SMARCC1: variants seen among roughly 807,000 people sequenced by gnomAD.
SMARCC1 encodes SWI/SNF related BAF chromatin remodeling complex subunit C1.
Under a neutral mutation model 147.4 loss-of-function variants are expected in SMARCC1, and 43 were observed. That is an observed-to-expected ratio of 0.29 (90% CI 0.23 to 0.38). SMARCC1 has a LOEUF of 0.38. Ranked by LOEUF, SMARCC1 falls within the 10% of genes least tolerant of loss-of-function variation. SMARCC1 has a pLI of 1.00. For missense variants in SMARCC1, 1,119 were observed against 1,381.1 expected, an observed-to-expected ratio of 0.81 and a Z score of 3.01; for synonymous variants, 495 against 484.4, an observed-to-expected ratio of 1.02 and a Z score of -0.29.
intron 19 of SMARCC1, chr3:47,670,360 G>T (rs2033479052): frequency 2.9e-6 from 1 of 348,356 alleles, no homozygotes; most frequent in Admixed American, 4.6e-5. Context: ...CAAGGTGGGA[G>T]GATTGCTTGA....
chr3:47,640,311 CGTTG>C (rs2033031798), intron 21 of SMARCC1, among the ~76,000 whole-genome samples: 1 of 151,622 alleles, frequency 6.6e-6, no homozygotes, highest in Non-Finnish European at 1.5e-5. Context: ...TATTCCCAAA[CGTTG>C]GTTCTTTCAA....
chr3:47,628,512 A>G (rs1011390478), intron 24 of SMARCC1, among the ~76,000 whole-genome samples: 1 of 152,200 alleles, frequency 6.6e-6, no homozygotes, highest in Non-Finnish European at 1.5e-5. Context: ...CATCTTAACT[A>G]AGACTAGGGC....
chr3:47,664,600 A>C (rs1161181033), intron 19 of SMARCC1, among the ~76,000 whole-genome samples: 1 of 152,258 alleles, frequency 6.6e-6, no homozygotes, highest in Non-Finnish European at 1.5e-5. Context: ...ATGTGGTGCT[A>C]AGAATGTTGA....
chr3:47,617,086 C>T (rs2032655966), intron 25 of SMARCC1, among the ~76,000 whole-genome samples: 1 of 152,158 alleles, frequency 6.6e-6, no homozygotes, highest in Non-Finnish European at 1.5e-5. Flanking sequence ...GCATATATAT[C>T]TGAGTCCCTA....
At chr3:47,663,413 A>C (rs2033377893) in intron 19 of SMARCC1, among the ~76,000 whole-genome samples, 1 of 152,224 alleles carries the variant, frequency 6.6e-6, no homozygotes, top group Non-Finnish European at 1.5e-5. Flanking sequence ...CATACATAAT[A>C]GCAATGAACA....
chr3:47,694,955 CA>C (rs994032304), intron 11 of SMARCC1, among the ~76,000 whole-genome samples: 14 of 152,010 alleles, frequency 9.2e-5, no homozygotes, highest in Non-Finnish European at 1.2e-4. Flanking sequence ...TCTCCCCCTA[CA>C]AAAAAAACCT....
Position 47,636,784 on chromosome 3 carries a change from ATATATGTGTGTGTGTGTGTG to A in SMARCC1, c.2377-668_2377-649del, listed in dbSNP as rs2032974843. 1.5e-4 allele frequency among the ~76,000 whole-genome samples: 10 copies of A among 67,642 alleles called. 1 individual carries two copies. The highest frequency in any genetic ancestry group is 1.4e-3 in the Admixed American group (9 of 6,220). The allele number at this position is 67,642 out of a possible 152,430, so 44.4% of individuals were successfully genotyped here. On this transcript the variant is annotated intron_variant, in intron 22 of 27. Coordinates refer to ENST00000254480, the MANE Select transcript of SMARCC1 (RefSeq NM_003074.4). ...AACAACAACAACCACAACAAAATAT[ATATATGTGTGTGTGTGTGTG>A]TGTGTGTGTGTGTGTGTGTGTGTGT...
intron 19 of SMARCC1, among the ~76,000 whole-genome samples, chr3:47,667,968 G>C (rs2033444375): frequency 6.6e-6 from 1 of 152,066 alleles, no homozygotes; most frequent in East Asian, 1.9e-4. Flanking sequence ...CTAGAGACCA[G>C]GAGTTCAAGA....
intron 26 of SMARCC1, among the ~76,000 whole-genome samples, chr3:47,605,640 G>T (rs1183019890): frequency 6.6e-6 from 1 of 152,144 alleles, no homozygotes; most frequent in Non-Finnish European, 1.5e-5. Context: ...GGGTGTCGTG[G>T]TGTGCACTTG....
chr3:47,616,808 T>C (rs1474881256), intron 25 of SMARCC1, among the ~76,000 whole-genome samples: 1 of 152,194 alleles, frequency 6.6e-6, no homozygotes, highest in African/African-American at 2.4e-5. Flanking sequence ...ACATCTGGCT[T>C]TAAGTCATTA....
chr3:47,590,970 G>T, intron 26 of SMARCC1, 133 bp from the exon 27 acceptor site: 1 of 783,610 alleles, frequency 1.3e-6, no homozygotes, highest in East Asian at 2.9e-5. Context: ...GCAATAATCT[G>T]TAATAATCTC....
intron 21 of SMARCC1, among the ~76,000 whole-genome samples, chr3:47,654,761 G>A (rs893796616): frequency 6.6e-6 from 1 of 152,158 alleles, no homozygotes; most frequent in Non-Finnish European, 1.5e-5. Context: ...ACTCTGAGGC[G>A]AATGAATCCA....
At chr3:47,607,177 T>C (rs1485504778) in intron 26 of SMARCC1, among the ~76,000 whole-genome samples, 2 of 152,166 alleles carry the variant, frequency 1.3e-5, no homozygotes, top group African/African-American at 4.8e-5. Flanking sequence ...TGAGAAAGAA[T>C]GCACCTTGTT....
chr3:47,713,458 C>A (rs1206430571), intron 8 of SMARCC1, among the ~76,000 whole-genome samples: 2 of 152,104 alleles, frequency 1.3e-5, no homozygotes, highest in Non-Finnish European at 2.9e-5. Flanking sequence ...AGGGTCTTAA[C>A]TTGTTATAAA....
chr3:47,686,072 A>G lies in SMARCC1; in HGVS notation c.1362T>C (p.Tyr454=), dbSNP rs566701330. 17 of 1,613,180 alleles carry G rather than the reference A, an allele frequency of 1.1e-5. No homozygotes were observed. The African/African-American group carries it at 1.9e-4, about 18-fold the overall frequency. Residue 454 remains tyrosine, a synonymous_variant, in exon 14 of 28, where the codon TAT becomes TAC. Transcript: ENST00000254480. ...ACCAGTTATAATCAAACCATGATGC[A>G]TAACTAGGAATAATAATGTGATTGG... The part of the protein sequence containing the change: ...EQTNHIIIPS[Y]ASWFDYNCIH...
At chr3:47,691,409 T>G (rs773719878) in intron 12 of SMARCC1, among the ~76,000 whole-genome samples, 2 of 151,670 alleles carry the variant, frequency 1.3e-5, no homozygotes, top group African/African-American at 2.4e-5. Flanking sequence ...AGGTCAGCAT[T>G]TCAAGACCAA....
intron 14 of SMARCC1, among the ~76,000 whole-genome samples, chr3:47,682,495 G>C (rs1248278965): frequency 6.6e-6 from 1 of 151,956 alleles, no homozygotes; most frequent in African/African-American, 2.4e-5. Context: ...GGGCTCAAGC[G>C]ACCCACCAGC....
intron 7 of SMARCC1, among the ~76,000 whole-genome samples, chr3:47,715,112 A>T (rs945297322): frequency 6.6e-6 from 1 of 152,074 alleles, no homozygotes; most frequent in African/African-American, 2.4e-5. Flanking sequence ...TCAACCTCCA[A>T]AAGTTCCTGG....
intron 6 of SMARCC1, among the ~76,000 whole-genome samples, chr3:47,725,068 G>A (rs1318039169): frequency 2.1e-5 from 3 of 140,010 alleles, no homozygotes; most frequent in Non-Finnish European, 1.5e-5. Flanking sequence ...TCTATTGCAC[G>A]ACAAGATGTT....
Sources: allele counts gnomAD v4.1 joint callset (sites outside exome capture counted in the v4.1 genomes callset), GRCh38; gene constraint gnomAD v4.1.1; transcripts MANE v1.5; gene names NCBI Gene and HGNC (gene_info 2026-07-23, HGNC 2026-07-21).